SSBP3: variants seen among roughly 807,000 people sequenced by gnomAD.
The protein encoded by SSBP3 is single stranded DNA binding protein 3.
SSBP3 carries 5 observed loss-of-function variants against 69.6 expected under a neutral mutation model. The ratio of observed to expected loss-of-function variants is 0.07; its 90% CI spans 0.04 to 0.15. The LOEUF (loss-of-function observed/expected upper bound fraction) is 0.15. SSBP3 is among the 10% of genes least tolerant of loss of function. The pLI, the probability that SSBP3 is intolerant of heterozygous loss-of-function variation, is 1.00. For synonymous variants in SSBP3, 196 were observed against 193.4 expected (o/e 1.01, Z -0.11); for missense variants, 312 against 534.0 (o/e 0.58, Z 4.10).
At chr1:54,406,854 C>T (rs1649817557), upstream of SSBP3, among the ~76,000 whole-genome samples, 1 of 151,672 alleles carries the variant, frequency 6.6e-6, no homozygotes, top group African/African-American at 2.4e-5. Flanking sequence ...CTCCCCCCCG[C>T]CGCGGCCCGC....
At chr1:54,271,968 C>T (rs922727916) in intron 5 of SSBP3, among the ~76,000 whole-genome samples, 8 of 152,052 alleles carry the variant, frequency 5.3e-5, no homozygotes, top group East Asian at 1.9e-4. Flanking sequence ...CGAGGTTTCA[C>T]CATGTTGGTC....
chr1:54,266,057 T>C (rs944068077), intron 5 of SSBP3, among the ~76,000 whole-genome samples: 1 of 152,234 alleles, frequency 6.6e-6, no homozygotes, highest in Middle Eastern at 3.2e-3. Context: ...AAACGAAAAG[T>C]ATAGGCAGCG....
At chr1:54,305,735 G>A (rs1645888537) in intron 4 of SSBP3, among the ~76,000 whole-genome samples, 1 of 151,848 alleles carries the variant, frequency 6.6e-6, no homozygotes, top group South Asian at 2.1e-4. Context: ...TAGGATTACA[G>A]GAGTGAGCCA....
chr1:54,304,755 T>C (rs1307883126), intron 4 of SSBP3, among the ~76,000 whole-genome samples: 1 of 152,152 alleles, frequency 6.6e-6, no homozygotes, highest in Non-Finnish European at 1.5e-5. Flanking sequence ...AGTTTGTGGA[T>C]GCTGTCAGAG....
intron 4 of SSBP3, among the ~76,000 whole-genome samples, chr1:54,337,239 C>T (rs982085869): frequency 6.6e-6 from 1 of 152,196 alleles, no homozygotes; most frequent in Non-Finnish European, 1.5e-5. Flanking sequence ...GGCACACAGG[C>T]AGGCCTCATG....
In SSBP3 at chr1:54,241,556, C is replaced by T. The variant is rs772125454; in HGVS notation, c.766-47G>A. 1.6e-5 allele frequency: 25 copies of T among 1,601,864 alleles called. No homozygotes were observed. In the East Asian group the frequency reaches 5.6e-4, roughly 36 times the overall value. ...GCCCCACGTCAGAGTCACTGAGTGC[C>T]CTCAGCTGCCAAACCTCCCTGAGGA... On this transcript the variant is annotated intron_variant, in intron 11 of 17. Transcript: ENST00000610401.
chr1:54,329,807 G>A (rs1646376089), intron 4 of SSBP3, among the ~76,000 whole-genome samples: 2 of 152,176 alleles, frequency 1.3e-5, no homozygotes, highest in Non-Finnish European at 2.9e-5. Context: ...TGAGAAATGG[G>A]GGAGGGGACA....
chr1:54,333,748 T>C (rs1263241947), intron 4 of SSBP3, among the ~76,000 whole-genome samples: 1 of 152,168 alleles, frequency 6.6e-6, no homozygotes, highest in Non-Finnish European at 1.5e-5. Context: ...GAATGGTGCC[T>C]GGTACACAGT....
intron 5 of SSBP3, among the ~76,000 whole-genome samples, chr1:54,275,814 C>T (rs1645273979): frequency 1.3e-5 from 2 of 152,192 alleles, no homozygotes; most frequent in African/African-American, 4.8e-5. Context: ...GCAGGTTCTC[C>T]GTAACAGAAC....
intron 4 of SSBP3, among the ~76,000 whole-genome samples, chr1:54,290,936 C>T (rs1412603839): frequency 2.6e-5 from 4 of 152,148 alleles, no homozygotes; most frequent in Non-Finnish European, 4.4e-5. Flanking sequence ...CACACACACA[C>T]GCACACACAC....
chr1:54,334,406 A>G (rs1414482353), intron 4 of SSBP3, among the ~76,000 whole-genome samples: 2 of 152,166 alleles, frequency 1.3e-5, no homozygotes, highest in African/African-American at 4.8e-5. Flanking sequence ...TACAAGTCAG[A>G]TGTTATAAAG....
intron 4 of SSBP3, among the ~76,000 whole-genome samples, chr1:54,385,616 C>T (rs1309522367): frequency 6.6e-6 from 1 of 152,142 alleles, no homozygotes; most frequent in African/African-American, 2.4e-5. Flanking sequence ...CTTTTCATTC[C>T]ACTCCTCTTA....
chr1:54,228,384 C>A (rs762007801), intron 16 of SSBP3, 28 bp from the exon 17 acceptor site: 1 of 1,613,910 alleles, frequency 6.2e-7, no homozygotes, highest in Non-Finnish European at 8.5e-7. Flanking sequence ...GAGGTGAGCA[C>A]CTGTGTCCCC....
chr1:54,409,908 G>A (rs1269780881), upstream of SSBP3, among the ~76,000 whole-genome samples: 5 of 152,122 alleles, frequency 3.3e-5, no homozygotes, highest in Non-Finnish European at 5.9e-5. Context: ...AGCCCCCTCC[G>A]GTGACAGACT....
exon 13 of SSBP3, chr1:54,240,917 G>A: frequency 6.2e-7 from 1 of 1,612,584 alleles, no homozygotes; most frequent in Non-Finnish European, 8.5e-7. Flanking sequence ...GCGGGACTGG[G>A]CATAATGGGT....
rs1399377930 is a variant in SSBP3 at position 54,294,738 on chromosome 1, A to G, written c.277-13211T>C. 3.3e-5 allele frequency among the ~76,000 whole-genome samples: 5 copies of G among 152,130 alleles called. No individual in the cohort carries two copies. The South Asian group carries it at 1.0e-3, about 31-fold the overall frequency. On this transcript the variant is annotated intron_variant, in intron 4 of 17. Coordinates refer to ENST00000610401, the Ensembl canonical transcript of SSBP3. ...AAGATGAAGCCTGCTATTTCTTCTCAGACAGGTTGGATTCCCTGGCCTCTC... is the reference window on the plus strand; with the variant it reads ...AAGATGAAGCCTGCTATTTCTTCTCGGACAGGTTGGATTCCCTGGCCTCTC...
intron 17 of SSBP3, among the ~76,000 whole-genome samples, chr1:54,228,050 G>A (rs548090826): frequency 7.8e-4 from 119 of 152,326 alleles, no homozygotes; most frequent in Admixed American, 1.8e-3. Flanking sequence ...GCATGGAGCT[G>A]CCTCCAGAAG....
At chr1:54,405,551 C>T (rs1649667305) in intron 1 of SSBP3, 1 of 152,880 alleles carries the variant, frequency 6.5e-6, no homozygotes, top group Admixed American at 6.5e-5. Context: ...GGCTTCGGGG[C>T]TGCAGAAGCC....
chr1:54,311,550 A>T (rs1646001892), intron 4 of SSBP3, among the ~76,000 whole-genome samples: 1 of 152,010 alleles, frequency 6.6e-6, no homozygotes. Flanking sequence ...AATCGAGACA[A>T]CCCTGCCTAC....
Sources: gnomAD v4.1 joint callset for allele counts (sites outside exome capture counted in the v4.1 genomes callset) on GRCh38, gnomAD v4.1.1 for gene constraint, MANE v1.5 for transcripts, NCBI Gene and HGNC (gene_info 2026-07-23, HGNC 2026-07-21) for gene names.